PIWIL4: variants seen among roughly 807,000 people sequenced by gnomAD.
The protein encoded by PIWIL4 is piwi-like protein 4.
In PIWIL4, 50 loss-of-function variants were observed where a neutral mutation model predicts 100.9. The ratio of observed to expected loss-of-function variants is 0.50; its 90% CI spans 0.39 to 0.63. The LOEUF is 0.63. Ranked by LOEUF, PIWIL4 falls within the 20% of genes least tolerant of loss-of-function variation. The pLI is 0.00. For missense variants in PIWIL4, 887 were observed against 1,043.3 expected (o/e 0.85, Z 2.06); for synonymous variants, 342 against 367.5 (o/e 0.93, Z 0.79).
chr11:94,580,735 G>A (rs1280149831), intron 4 of PIWIL4, among the ~76,000 whole-genome samples: 3 of 151,906 alleles, frequency 2.0e-5, no homozygotes, highest in Non-Finnish European at 4.4e-5. Flanking sequence ...CACTTACTAG[G>A]TGTTAAGTAC....
intron 10 of PIWIL4, among the ~76,000 whole-genome samples, chr11:94,596,070 G>GT (rs1948554684): frequency 6.6e-6 from 1 of 151,982 alleles, no homozygotes; most frequent in African/African-American, 2.4e-5. Context: ...AGAAATGACA[G>GT]TTTTTTAATC....
intron 15 of PIWIL4, among the ~76,000 whole-genome samples, chr11:94,615,157 C>T (rs1392776212): frequency 1.3e-5 from 2 of 152,154 alleles, no homozygotes. Flanking sequence ...CCACTCTTTC[C>T]TGCCCCCAGA....
chr11:94,614,756 C>G (rs1182065498), intron 15 of PIWIL4, among the ~76,000 whole-genome samples: 1 of 152,172 alleles, frequency 6.6e-6, no homozygotes, highest in Non-Finnish European at 1.5e-5. Context: ...GGCTCTCTTA[C>G]ACGTTTTCTA....
chr11:94,584,485 C>T (rs763495102), intron 5 of PIWIL4, among the ~76,000 whole-genome samples: 6 of 152,214 alleles, frequency 3.9e-5, no homozygotes, highest in Non-Finnish European at 8.8e-5. Flanking sequence ...GCCAGTCTTG[C>T]ATGCTGACAT....
chr11:94,581,463 A>T (rs932296632), intron 4 of PIWIL4, among the ~76,000 whole-genome samples: 1 of 152,238 alleles, frequency 6.6e-6, no homozygotes, highest in East Asian at 1.9e-4. Flanking sequence ...ACTTTTGCTC[A>T]TTCAGGTTTA....
rs1370244533 is a variant in PIWIL4, at chr11:94,618,124, C to T, written c.2168+17C>T. On this transcript the variant is annotated intron_variant, in intron 17 of 19. Coordinates refer to ENST00000299001, the MANE Select transcript of PIWIL4 (RefSeq NM_152431.3). ...AAATACCAGGTATTCAATTATTGTT[C>T]TTTCCTCCATACTCCCAATTATAGC... is the stretch of plus-strand genomic sequence containing the variant. The T allele has an allele frequency of 1.0e-5, 16 of 1,543,642 alleles. No individual in the cohort carries two copies. Among genetic ancestry groups the T allele is most frequent in the Non-Finnish European group, 1.4e-5 (16 of 1,141,274 alleles).
At chr11:94,606,475 G>A (rs1033292654) in intron 13 of PIWIL4, among the ~76,000 whole-genome samples, 2 of 152,176 alleles carry the variant, frequency 1.3e-5, no homozygotes, top group African/African-American at 4.8e-5. Context: ...TTTTGAAAGT[G>A]GAGAATAAAA....
At chr11:94,589,268 C>A (rs368947488) in intron 8 of PIWIL4, 36 bp downstream of exon 8, 10 of 1,513,078 alleles carry the variant, frequency 6.6e-6, no homozygotes, top group African/African-American at 1.4e-5. Context: ...ATCTCCTTTT[C>A]TTTTACCTCA....
intron 13 of PIWIL4, among the ~76,000 whole-genome samples, chr11:94,606,636 C>G (rs1948721963): frequency 6.6e-6 from 1 of 152,080 alleles, no homozygotes; most frequent in African/African-American, 2.4e-5. Context: ...CATTTGAGTC[C>G]AGCCTGGCCA....
At chr11:94,593,288 G>A (rs1311847995) in intron 8 of PIWIL4, among the ~76,000 whole-genome samples, 1 of 152,022 alleles carries the variant, frequency 6.6e-6, no homozygotes, top group Admixed American at 6.6e-5. Flanking sequence ...GAGACAGCAG[G>A]GAAACGATAT....
At position 94,571,258 on chromosome 11, in the gene PIWIL4, G is replaced by T. The variant is rs116564576; in HGVS notation, c.166+2450G>T. Among the ~76,000 whole-genome samples the T allele has an allele frequency of 6.7e-3, 1,019 of 151,810 alleles. 13 individuals are homozygous for T. The highest frequency in any genetic ancestry group is 0.023 in the African/African-American group (947 of 41,412). On this transcript the variant is annotated intron_variant, in intron 2 of 19. Coordinates refer to ENST00000299001, the MANE Select transcript of PIWIL4 (RefSeq NM_152431.3). The stretch of plus-strand genomic sequence containing the variant: ...TGCCACACATTTTTTTTTGTTATTA[G>T]GTTTTTTTATTTAAAAATTTTTTAT...
chr11:94,598,866 C>T (rs544715003), intron 11 of PIWIL4, among the ~76,000 whole-genome samples: 124 of 152,174 alleles, frequency 8.1e-4, no homozygotes, highest in African/African-American at 2.8e-3. Flanking sequence ...CGCCACCATG[C>T]TCAGCTAATT....
At chr11:94,587,765 C>T (rs903180822) in intron 7 of PIWIL4, among the ~76,000 whole-genome samples, 32 of 152,328 alleles carry the variant, frequency 2.1e-4, no homozygotes, top group African/African-American at 6.5e-4. Flanking sequence ...TTCCATGTCT[C>T]ACCTTCTTTA....
At chr11:94,595,711 AG>A (rs1182577398) in intron 10 of PIWIL4, among the ~76,000 whole-genome samples, 2 of 152,234 alleles carry the variant, frequency 1.3e-5, no homozygotes, top group Non-Finnish European at 2.9e-5. Flanking sequence ...ATAAAGAAAA[AG>A]GTTATAATCT....
At chr11:94,616,587 G>A (rs1010649913) in intron 16 of PIWIL4, 24 bp downstream of exon 16, 3 of 1,571,588 alleles carry the variant, frequency 1.9e-6, no homozygotes, top group Non-Finnish European at 2.6e-6. Context: ...AGCAATGTGG[G>A]TGGGCTCCAA....
intron 16 of PIWIL4, among the ~76,000 whole-genome samples, chr11:94,617,131 A>C (rs1217361003): frequency 6.6e-6 from 1 of 152,152 alleles, no homozygotes; most frequent in South Asian, 2.1e-4. Flanking sequence ...GCATTTTCCC[A>C]TCTGTAAATT....
In PIWIL4 at chr11:94,619,837, A is replaced by G. The variant is rs753439132; in HGVS notation, c.2246A>G (p.Asn749Ser). 9.3e-6 allele frequency: 15 copies of G among 1,614,008 alleles called. No homozygotes were observed. Residue 749 changes from asparagine to serine, a missense_variant, in exon 18 of 20, where the codon AAC becomes AGC. Asn to Ser is a conservative substitution (Grantham distance 46, BLOSUM62 1). This residue lies in a region of PIWIL4 where 741 missense variants were observed against 930.0 expected (regional missense o/e 0.80). Transcript: ENST00000299001. The stretch of plus-strand genomic sequence containing the variant: ...ACCGAAATGAACCGCACTGTACAGA[A>G]CCCCCCACTTGGCACTGTTGTGGAT... Reference protein sequence around the residue: ...FFTEMNRTVQNPPLGTVVDSE... With the variant: ...FFTEMNRTVQSPPLGTVVDSE...
In PIWIL4 at chr11:94,601,662, A is replaced by T. The variant is rs542547860; in HGVS notation, c.1381-133A>T. The T allele has an allele frequency of 2.0e-5, 17 of 841,496 alleles. No individual in the cohort carries two copies. In the East Asian group the frequency reaches 4.0e-4, roughly 20 times the overall value. The allele number at this position is 841,496 out of a possible 1,614,324, so 52.1% of individuals were successfully genotyped here. A position where few individuals can be genotyped will look rare whatever the true frequency, so the allele number is the denominator to read the frequency against. On this transcript the variant is annotated intron_variant, in intron 11 of 19. Transcript: ENST00000299001. ...TTCTGTTCGGATGTGCAGTGCCTGC[A>T]TCTGTGTTTTAAGACTGAATAGCAA...
intron 17 of PIWIL4, among the ~76,000 whole-genome samples, chr11:94,619,242 C>A (rs1948879107): frequency 6.6e-6 from 1 of 152,190 alleles, no homozygotes; most frequent in Non-Finnish European, 1.5e-5. Context: ...TACATTAACA[C>A]TTCACCATTC....
Sources: gnomAD v4.1 joint callset for allele counts (sites outside exome capture counted in the v4.1 genomes callset) on GRCh38, gnomAD v4.1.1 for gene constraint, gnomAD v4.1.1 regional missense constraint, MANE v1.5 for transcripts, NCBI Gene and HGNC (gene_info 2026-07-23, HGNC 2026-07-21) for gene names.